TLE4: variants seen among roughly 807,000 people sequenced by gnomAD.
TLE4 encodes transducin-like enhancer protein 4.
Under a neutral mutation model 92.8 loss-of-function variants are expected in TLE4, and 8 were observed. That is an observed-to-expected ratio of 0.09 (90% CI 0.05 to 0.16). The LOEUF (loss-of-function observed/expected upper bound fraction) is 0.16. TLE4 is among the 10% of genes least tolerant of loss of function. TLE4 has a pLI of 1.00. For missense variants in TLE4, 675 were observed against 997.6 expected (o/e 0.68, Z 4.36); for synonymous variants, 371 against 374.1 (o/e 0.99, Z 0.10).
intron 1 of TLE4, chr9:79,573,415 C>T (rs1213498636): frequency 1.5e-5 from 18 of 1,207,698 alleles, no homozygotes; most frequent in African/African-American, 1.1e-4. Context: ...GGGTGCCTGT[C>T]TTTGGCCGGG....
intron 8 of TLE4, among the ~76,000 whole-genome samples, chr9:79,696,329 G>A (rs1268029093): frequency 6.6e-6 from 1 of 152,104 alleles, no homozygotes; most frequent in East Asian, 1.9e-4. Flanking sequence ...CTGTCTGTCA[G>A]CGCCATTCTA....
chr9:79,711,683 C>G (rs1278780214), intron 14 of TLE4, among the ~76,000 whole-genome samples: 2 of 152,196 alleles, frequency 1.3e-5, no homozygotes, highest in Non-Finnish European at 2.9e-5. Context: ...AGTTAAACCA[C>G]TGTGGAATCA....
At chr9:79,647,735 G>A (rs2058313004) in intron 6 of TLE4, among the ~76,000 whole-genome samples, 1 of 152,006 alleles carries the variant, frequency 6.6e-6, no homozygotes, top group Admixed American at 6.5e-5. Context: ...AAGAGGTATG[G>A]CATACACAGA....
chr9:79,651,155 C>T (rs185944248), intron 6 of TLE4, among the ~76,000 whole-genome samples: 2 of 151,556 alleles, frequency 1.3e-5, no homozygotes, highest in Admixed American at 1.3e-4. Context: ...ACAGGTTAGG[C>T]CTGGAATGTG....
chr9:79,677,608 A>AT (rs61013131), intron 8 of TLE4, among the ~76,000 whole-genome samples: 15,774 of 134,932 alleles, frequency 0.12, 1,015 homozygotes, highest in African/African-American at 0.17. Context: ...TTGTTTCTTC[A>AT]TTTTTTTTTT....
intron 4 of TLE4, among the ~76,000 whole-genome samples, chr9:79,594,015 G>A (rs530276086): frequency 3.9e-5 from 6 of 152,268 alleles, no homozygotes; most frequent in African/African-American, 1.4e-4. Flanking sequence ...CATAAAACAA[G>A]GGTCTAGGAC....
chr9:79,714,930 G>A (rs943477016), intron 14 of TLE4, among the ~76,000 whole-genome samples: 4 of 152,160 alleles, frequency 2.6e-5, no homozygotes, highest in South Asian at 2.1e-4. Context: ...AGAGTTTATC[G>A]AAATCTGATA....
At chr9:79,579,674 G>T (rs988417125) in intron 4 of TLE4, among the ~76,000 whole-genome samples, 2 of 152,106 alleles carry the variant, frequency 1.3e-5, no homozygotes, top group African/African-American at 4.8e-5. Flanking sequence ...TTGTGTGTGT[G>T]TGTGTGTATA....
intron 6 of TLE4, among the ~76,000 whole-genome samples, chr9:79,651,131 A>G (rs1331101058): frequency 1.3e-5 from 2 of 151,224 alleles, no homozygotes; most frequent in African/African-American, 2.4e-5. Flanking sequence ...TATAGAAGGG[A>G]CTATTTGGCT....
Position 79,725,207 on chromosome 9 carries a change from T to A in TLE4, c.*63T>A. The A allele has an allele frequency of 8.3e-7, 1 of 1,205,022 alleles. No individual in the cohort carries two copies. The highest frequency in any genetic ancestry group is 1.2e-5 in the South Asian group (1 of 80,550). 74.6% of individuals were successfully genotyped at this position (1,205,022 alleles called of 1,614,324 possible). On this transcript the variant is annotated 3_prime_UTR_variant, in exon 20 of 20. Coordinates refer to ENST00000376552, the MANE Select transcript of TLE4 (RefSeq NM_007005.6). ...TAGCACTTTGCTCTGTCATCCTTTT[T>A]GTTCACCCCCATCCCCGCATCTAAA... is the stretch of plus-strand genomic sequence containing the variant.
chr9:79,585,183 G>A (rs2132128859), intron 4 of TLE4, among the ~76,000 whole-genome samples: 1 of 152,202 alleles, frequency 6.6e-6, no homozygotes, highest in South Asian at 2.1e-4. Flanking sequence ...ATAACAGTAA[G>A]CAATTTTAGA....
At chr9:79,588,716 G>A (rs930462734) in intron 4 of TLE4, among the ~76,000 whole-genome samples, 3 of 152,160 alleles carry the variant, frequency 2.0e-5, no homozygotes, top group East Asian at 1.9e-4. Flanking sequence ...TTATAACCAC[G>A]TGTCACATGG....
At chr9:79,622,471 T>G (rs1795054980) in intron 5 of TLE4, among the ~76,000 whole-genome samples, 1 of 152,202 alleles carries the variant, frequency 6.6e-6, no homozygotes, top group African/African-American at 2.4e-5. Flanking sequence ...AGGTCTCAGT[T>G]GTCAGGTCAG....
chr9:79,675,034 T>G (rs1377662239), intron 8 of TLE4, among the ~76,000 whole-genome samples: 1 of 152,150 alleles, frequency 6.6e-6, no homozygotes, highest in African/African-American at 2.4e-5. Flanking sequence ...AAGGGTAGTT[T>G]TTGTTTGGTT....
chr9:79,658,306 T>C (rs2060045195), intron 8 of TLE4, among the ~76,000 whole-genome samples: 1 of 152,230 alleles, frequency 6.6e-6, no homozygotes, highest in Non-Finnish European at 1.5e-5. Flanking sequence ...TGGTGCACTT[T>C]ATTTTTTTAA....
chr9:79,632,372 T>G (rs549035826), intron 6 of TLE4, among the ~76,000 whole-genome samples: 1 of 152,318 alleles, frequency 6.6e-6, no homozygotes, highest in South Asian at 2.1e-4. Flanking sequence ...CATGTTTATT[T>G]TGAGTTTTCC....
chr9:79,623,349 A>G (rs1429880062), intron 5 of TLE4, among the ~76,000 whole-genome samples: 1 of 152,168 alleles, frequency 6.6e-6, no homozygotes, highest in Non-Finnish European at 1.5e-5. Context: ...AACACCTACT[A>G]TACACATATT....
chr9:79,710,243 A>T (rs2072913122), intron 14 of TLE4, among the ~76,000 whole-genome samples: 1 of 152,218 alleles, frequency 6.6e-6, no homozygotes, highest in African/African-American at 2.4e-5. Flanking sequence ...AACGGATCTC[A>T]TTCCAAATAC....
Position 79,706,750 on chromosome 9 carries a change from C to A in TLE4, c.787C>A (p.Pro263Thr). The A allele has an allele frequency of 6.2e-7, 1 of 1,613,068 alleles. No individual in the cohort carries two copies. Among genetic ancestry groups the A allele is most frequent in the Non-Finnish European group, 8.5e-7 (1 of 1,179,562 alleles). Reference protein sequence around the residue: ...NLVVDVSNEDPSSPRGSPAHS... With the variant: ...NLVVDVSNEDTSSPRGSPAHS... ...TGTCCACGATGTTCCTTTGTAGGAT[C>A]CATCTTCCCCTCGAGGGAGCCCAGC... is the stretch of plus-strand genomic sequence containing the variant. The change falls in exon 11 of 20, where the codon CCA (proline) becomes ACA (threonine). Residue 263 changes from proline to threonine, a missense_variant. This residue lies in a region of TLE4 where 280 missense variants were observed against 287.3 expected (regional missense o/e 0.97). Transcript: ENST00000376552.
Sources: allele counts gnomAD v4.1 joint callset (sites outside exome capture counted in the v4.1 genomes callset), GRCh38; gene constraint gnomAD v4.1.1; regional missense constraint gnomAD v4.1.1; transcripts MANE v1.5; gene names NCBI Gene and HGNC (gene_info 2026-07-23, HGNC 2026-07-21).